Variants in NTNG1 observed in about 807,000 individuals in gnomAD.
NTNG1 encodes netrin G1.
A neutral mutation model predicts 54.0 loss-of-function variants in NTNG1; 16 were observed. That is an observed-to-expected ratio of 0.30 (90% CI 0.20 to 0.45). The LOEUF is 0.45. Among genes scored for constraint, NTNG1 ranks in the 20% least tolerant of loss-of-function variants. NTNG1 has a pLI of 1.00. For missense variants in NTNG1, 530 were observed against 678.7 expected (o/e 0.78, Z 2.43); for synonymous variants, 255 against 263.1 (o/e 0.97, Z 0.30).
At chr1:107,436,166 A>G (rs949491903) in intron 6 of NTNG1, among the ~76,000 whole-genome samples, 6 of 152,232 alleles carry the variant, frequency 3.9e-5, no homozygotes, top group Non-Finnish European at 2.9e-5. Flanking sequence ...ATATGCATGA[A>G]TAAGTTAAGA....
At chr1:107,397,004 G>C (rs1672725670) in intron 4 of NTNG1, among the ~76,000 whole-genome samples, 1 of 152,160 alleles carries the variant, frequency 6.6e-6, no homozygotes, top group Non-Finnish European at 1.5e-5. Context: ...TTTCATCCAA[G>C]CTTTCGCATT....
intron 2 of NTNG1, among the ~76,000 whole-genome samples, chr1:107,173,332 G>T (rs910224021): frequency 6.6e-6 from 1 of 152,028 alleles, no homozygotes; most frequent in Admixed American, 6.6e-5. Context: ...AAAGACTGGT[G>T]ATTCTTTAGA....
At chr1:107,332,384 C>T (rs967217857) in intron 3 of NTNG1, among the ~76,000 whole-genome samples, 1 of 151,944 alleles carries the variant, frequency 6.6e-6, no homozygotes, top group Non-Finnish European at 1.5e-5. Context: ...AGCAAAATAC[C>T]ACAAAATGGA....
chr1:107,470,512 T>A lies in NTNG1; in HGVS notation c.1391-10099T>A, dbSNP rs78126618. Among the ~76,000 whole-genome samples, 1,156 of 152,314 alleles carry A rather than the reference T, an allele frequency of 7.6e-3. 21 individuals are homozygous for A. Among genetic ancestry groups the A allele is most frequent in the African/African-American group, 0.026 (1,081 of 41,564 alleles). ...TTATATTACACAGGTATGTGTAGAG[T>A]TACATGTCTGTACTTATGGAGATTA... On this transcript the variant is annotated intron_variant, in intron 7 of 7. Coordinates refer to ENST00000370068, the MANE Select transcript of NTNG1 (RefSeq NM_001113226.3).
intron 2 of NTNG1, among the ~76,000 whole-genome samples, chr1:107,321,369 T>C (rs182335413): frequency 2.0e-5 from 3 of 152,202 alleles, no homozygotes; most frequent in Admixed American, 2.0e-4. Context: ...TGCCAAGCAA[T>C]GAAGAACTTG....
chr1:107,465,047 A>C (rs1677515178), intron 7 of NTNG1, among the ~76,000 whole-genome samples: 1 of 152,176 alleles, frequency 6.6e-6, no homozygotes, highest in African/African-American at 2.4e-5. Context: ...AAGAAACAGA[A>C]GCACAAAGTT....
chr1:107,142,093 T>A (rs2100991072), intron 1 of NTNG1, among the ~76,000 whole-genome samples: 1 of 152,262 alleles, frequency 6.6e-6, no homozygotes, highest in South Asian at 2.1e-4. Flanking sequence ...TTCTCTCATA[T>A]TCTTTACTGG....
chr1:107,444,202 C>G (rs1161066653), intron 7 of NTNG1, among the ~76,000 whole-genome samples: 1 of 152,102 alleles, frequency 6.6e-6, no homozygotes, highest in East Asian at 1.9e-4. Flanking sequence ...ATTCCAGATG[C>G]AGCTCTTATT....
At chr1:107,168,493 G>A (rs1655979921) in intron 2 of NTNG1, among the ~76,000 whole-genome samples, 1 of 151,878 alleles carries the variant, frequency 6.6e-6, no homozygotes, top group Admixed American at 6.6e-5. Flanking sequence ...TTGACACTAT[G>A]CCCCTGTCTA....
intron 7 of NTNG1, among the ~76,000 whole-genome samples, chr1:107,466,117 C>T (rs1284167079): frequency 6.6e-6 from 1 of 151,990 alleles, no homozygotes; most frequent in East Asian, 1.9e-4. Context: ...TCTGAACACA[C>T]TGTTGGGAGG....
chr1:107,141,259 T>A (rs1034979162), intron 1 of NTNG1, 119 bp downstream of exon 1: 1 of 150,314 alleles, frequency 6.7e-6, no homozygotes, highest in Non-Finnish European at 1.5e-5. Flanking sequence ...GCGGCTCGGG[T>A]CCTCACGCCC....
At chr1:107,433,623 C>A (rs901450026) in intron 6 of NTNG1, among the ~76,000 whole-genome samples, 2 of 152,122 alleles carry the variant, frequency 1.3e-5, no homozygotes, top group Non-Finnish European at 2.9e-5. Flanking sequence ...AAATTATTGC[C>A]CTTTTCTAAA....
chr1:107,330,742 G>A (rs1295371342), intron 3 of NTNG1: 1 of 152,104 alleles, frequency 6.6e-6, no homozygotes, highest in Non-Finnish European at 1.5e-5. Flanking sequence ...TCAAATATAG[G>A]TTTGAGAATT....
At chr1:107,419,623 CAA>C (rs11370557) in intron 5 of NTNG1, among the ~76,000 whole-genome samples, 80 of 139,290 alleles carry the variant, frequency 5.7e-4, no homozygotes, top group Non-Finnish European at 9.0e-4. Context: ...CTTCCTTCTT[CAA>C]AAAAAAAAAA....
intron 7 of NTNG1, among the ~76,000 whole-genome samples, chr1:107,471,781 CT>C (rs1677996946): frequency 6.6e-6 from 1 of 152,172 alleles, no homozygotes; most frequent in South Asian, 2.1e-4. Context: ...CATTTGCTTC[CT>C]TTTATACTTC....
chr1:107,284,961 T>C (rs1234053976), intron 2 of NTNG1, among the ~76,000 whole-genome samples: 3 of 152,106 alleles, frequency 2.0e-5, no homozygotes, highest in Non-Finnish European at 4.4e-5. Context: ...TTTATTTAGA[T>C]TAGTCATGGA....
At chr1:107,372,723 T>C (rs192355848) in intron 3 of NTNG1, among the ~76,000 whole-genome samples, 122 of 152,254 alleles carry the variant, frequency 8.0e-4, no homozygotes, top group African/African-American at 2.6e-3. Context: ...ACTTGTTCTA[T>C]CAATTACTGA....
intron 2 of NTNG1, among the ~76,000 whole-genome samples, chr1:107,306,804 A>G (rs114368723): frequency 7.2e-5 from 11 of 152,272 alleles, no homozygotes; most frequent in African/African-American, 2.4e-4. Flanking sequence ...TATATTGCCA[A>G]TTATATTTCA....
In NTNG1 at chr1:107,352,245, G is replaced by T. The variant is rs149207945; in HGVS notation, c.887+27323G>T. On this transcript the variant is annotated intron_variant, in intron 3 of 7. Transcript: ENST00000370068. The stretch of plus-strand genomic sequence containing the variant: ...TGCTCCAATGGGGACTCTGTGTGTG[G>T]GCTCCAGCCCCACATTTCCCCTCTG... Among the ~76,000 whole-genome samples, 13 of 152,342 alleles carry T rather than the reference G, an allele frequency of 8.5e-5. No homozygotes were observed. In the East Asian group the frequency reaches 2.5e-3, roughly 29 times the overall value.
Sources: allele counts gnomAD v4.1 joint callset (sites outside exome capture counted in the v4.1 genomes callset), GRCh38; gene constraint gnomAD v4.1.1; transcripts MANE v1.5; gene names NCBI Gene and HGNC (gene_info 2026-07-23, HGNC 2026-07-21).